The following GTPBP3 variants were observed in gnomAD, a reference collection of about 807,000 sequenced individuals.
GTPBP3 encodes the protein GTP binding protein 3, mitochondrial, also known as 5-taurinomethyluridine-[tRNA] synthase subunit GTPB3, mitochondrial.
A neutral mutation model predicts 42.0 loss-of-function variants in GTPBP3; 35 were observed. The observed-to-expected ratio is 0.83, with a 90% CI of 0.64 to 1.10. The LOEUF (loss-of-function observed/expected upper bound fraction) is 1.10, where lower values mean the gene tolerates loss of function less well. Among genes scored for constraint, GTPBP3 ranks in the 50% least tolerant of loss-of-function variants. The pLI is 0.00. For missense variants in GTPBP3, 691 were observed against 685.2 expected (o/e 1.01, Z -0.09); for synonymous variants, 332 against 314.9 (o/e 1.05, Z -0.58).
At chr19:17,340,391 C>T (rs1389517912) in intron 7 of GTPBP3, among the ~76,000 whole-genome samples, 1 of 152,032 alleles carries the variant, frequency 6.6e-6, no homozygotes, top group Non-Finnish European at 1.5e-5. Context: ...TGTTTCTCAT[C>T]CCTAAGCCCT....
At chr19:17,339,391 T>A in intron 6 of GTPBP3, 43 bp from the exon 7 acceptor site, 1 of 1,603,316 alleles carries the variant, frequency 6.2e-7, no homozygotes, top group Non-Finnish European at 8.5e-7. Flanking sequence ...GGGGAGGAGC[T>A]CCCTTGTCTC....
upstream of GTPBP3, among the ~76,000 whole-genome samples, chr19:17,335,531 A>C (rs1441026484): frequency 6.6e-6 from 1 of 152,172 alleles, no homozygotes; most frequent in African/African-American, 2.4e-5. Flanking sequence ...ACTGCACTGC[A>C]TCCTGGGCGA....
chr19:17,342,362 G>C lies in GTPBP3; in HGVS notation c.*659G>C, dbSNP rs996763026. On this transcript the variant is annotated 3_prime_UTR_variant, in exon 9 of 9. Transcript: ENST00000324894. ...GGCTTACTGCAACCTCCACCTCCCG[G>C]GTTCAAGTGATTCTCCTGCCTCAGC... 6.6e-6 allele frequency: 1 copy of C among 152,244 alleles called. No homozygotes were observed. The highest frequency in any genetic ancestry group is 2.4e-5 in the African/African-American group (1 of 41,452). 9.4% of individuals were successfully genotyped at this position (152,244 alleles called of 1,614,324 possible). A position where few individuals can be genotyped will look rare whatever the true frequency, so the allele number is the denominator to read the frequency against.
chr19:17,337,960 G>C (rs750169700), intron 1 of GTPBP3, 48 bp from the exon 2 acceptor site: 1 of 1,586,634 alleles, frequency 6.3e-7, no homozygotes, highest in Non-Finnish European at 8.5e-7. Context: ...ACTTGACACT[G>C]AGGCTGAGCC....
At chr19:17,336,614 GC>G (rs1260531335), upstream of GTPBP3, 1 of 152,240 alleles carries the variant, frequency 6.6e-6, no homozygotes, top group Non-Finnish European at 1.5e-5. Context: ...ACGCAAGTGC[GC>G]CGCCCGCCCG....
At position 17,342,001 on chromosome 19, in the gene GTPBP3, T is replaced by G; in HGVS notation, c.*298T>G. The G allele has an allele frequency of 2.8e-4, 77 of 277,876 alleles. No homozygotes were observed. The highest frequency in any genetic ancestry group is 1.0e-3 in the Middle Eastern group (1 of 996). 17.2% of individuals were successfully genotyped at this position (277,876 alleles called of 1,614,324 possible). A position where few individuals can be genotyped will look rare whatever the true frequency, so the allele number is the denominator to read the frequency against. On this transcript the variant is annotated 3_prime_UTR_variant, in exon 9 of 9. Coordinates refer to ENST00000324894, the MANE Select transcript of GTPBP3 (RefSeq NM_032620.4). ...CGTAGTTTTTTATTTATTTTGCAAA[T>G]ACCAAAGGAATGTAAAAAAAACTCA... is the stretch of plus-strand genomic sequence containing the variant.
At position 17,339,209 on chromosome 19, in the gene GTPBP3, C is replaced by T; in HGVS notation, c.751C>T (p.His251Tyr). 6.2e-6 allele frequency: 10 copies of T among 1,612,704 alleles called. No individual in the cohort carries two copies. The highest frequency in any genetic ancestry group is 8.5e-6 in the Non-Finnish European group (10 of 1,179,942). ...RRGQRLRSGV[H>Y]VVVTGPPNAG... ...CGGGCAGAGGCTCCGCTCAGGGGTGCACGTAGTGGTCACTGGACCCCCCAA... is the reference window on the plus strand; with the variant it reads ...CGGGCAGAGGCTCCGCTCAGGGGTGTACGTAGTGGTCACTGGACCCCCCAA... The change falls in exon 6 of 9, where the codon CAC (histidine) becomes TAC (tyrosine). Residue 251 changes from histidine (H) to tyrosine (Y), a missense_variant. His to Tyr is a moderately conservative substitution (Grantham distance 83, BLOSUM62 2). Transcript: ENST00000324894.
At chr19:17,339,077 A>G in intron 5 of GTPBP3, 46 bp from the exon 6 acceptor site, 1 of 1,614,102 alleles carries the variant, frequency 6.2e-7, no homozygotes, top group Non-Finnish European at 8.5e-7. Flanking sequence ...CAGCCCTCAA[A>G]GGCTCCCCTC....
chr19:17,339,043 G>T lies in GTPBP3; in HGVS notation c.664+17G>T, dbSNP rs780173916. Reference sequence around the variant, plus strand: ...TGGAGCAAGGTGGGTCTACCTGGTGGTGGGGGAGGAAGACACCTCATATCA... The same window carrying T: ...TGGAGCAAGGTGGGTCTACCTGGTGTTGGGGGAGGAAGACACCTCATATCA... On this transcript the variant is annotated intron_variant, in intron 5 of 8. Transcript: ENST00000324894. 2 of 1,614,076 alleles carry T rather than the reference G, an allele frequency of 1.2e-6. No individual in the cohort carries two copies.
intron 5 of GTPBP3, 33 bp downstream of exon 5, chr19:17,339,059 C>T (rs2074399666): frequency 6.2e-7 from 1 of 1,614,166 alleles, no homozygotes; most frequent in Admixed American, 1.7e-5. Context: ...GAGGAAGACA[C>T]CTCATATCAG....
In GTPBP3 at chr19:17,341,128, C is replaced by G. The variant is rs757813646; in HGVS notation, c.1059C>G (p.Val353=). 1.9e-6 allele frequency: 3 copies of G among 1,613,830 alleles called. No homozygotes were observed. The highest frequency in any genetic ancestry group is 1.7e-5 in the Admixed American group (1 of 60,016). ...SPSSCNFLAT[V]VASVGAQSPS... Reference sequence around the variant, plus strand: ...CCAGTTGCAACTTCCTGGCCACCGTCGTAGCCTCTGTGGGAGCCCAGAGCC... The same window carrying G: ...CCAGTTGCAACTTCCTGGCCACCGTGGTAGCCTCTGTGGGAGCCCAGAGCC... The change falls in exon 8 of 9, where the codon GTC becomes GTG. Residue 353 remains valine, a synonymous_variant. Transcript: ENST00000324894.
upstream of GTPBP3, among the ~76,000 whole-genome samples, chr19:17,336,189 TCG>T: frequency 7.9e-6 from 1 of 126,660 alleles, no homozygotes; most frequent in East Asian, 2.3e-4. Context: ...TGAGTCTAGA[TCG>T]CGCCACTGAA....
chr19:17,337,336 G>T, upstream of GTPBP3: 1 of 404,130 alleles, frequency 2.5e-6, no homozygotes. Context: ...TGTCAGCCTC[G>T]CTGCGCTAGG....
chr19:17,339,666 G>A (rs964192339), intron 7 of GTPBP3, 67 bp downstream of exon 7: 13 of 1,453,086 alleles, frequency 8.9e-6, no homozygotes, highest in African/African-American at 4.3e-5. Flanking sequence ...TCCCTGTTGC[G>A]TTTATTTTTC....
At chr19:17,335,877 C>T (rs12985235), upstream of GTPBP3, among the ~76,000 whole-genome samples, 1 of 82,814 alleles carries the variant, frequency 1.2e-5, no homozygotes, top group African/African-American at 7.0e-5. Context: ...ACAGATGTAA[C>T]AACTAGAGAA....
chr19:17,339,701 C>A, intron 7 of GTPBP3, 102 bp downstream of exon 7: 1 of 1,154,302 alleles, frequency 8.7e-7, no homozygotes, highest in Non-Finnish European at 1.2e-6. Context: ...AGAGAACCTG[C>A]TAAGCCCTAT....
In GTPBP3 at chr19:17,341,873, A is replaced by T; in HGVS notation, c.*170A>T. ...TGAGATCCCTGCAGGGACTCCCTGGAGATTCAGGCCCTGGAATGGGGCTGA... is the reference window on the plus strand; with the variant it reads ...TGAGATCCCTGCAGGGACTCCCTGGTGATTCAGGCCCTGGAATGGGGCTGA... On this transcript the variant is annotated 3_prime_UTR_variant, in exon 9 of 9. Coordinates refer to ENST00000324894, the MANE Select transcript of GTPBP3 (RefSeq NM_032620.4). 1 of 556,360 alleles carries T rather than the reference A, an allele frequency of 1.8e-6. No individual in the cohort carries two copies. The highest frequency in any genetic ancestry group is 3.5e-5 in the South Asian group (1 of 28,274). 34.5% of individuals were successfully genotyped at this position (556,360 alleles called of 1,614,324 possible).
At position 17,339,222 on chromosome 19, in the gene GTPBP3, C is replaced by G. The variant is rs923865761; in HGVS notation, c.764C>G (p.Thr255Ser). 1 of 1,612,116 alleles carries G rather than the reference C, an allele frequency of 6.2e-7. No homozygotes were observed. Among genetic ancestry groups the G allele is most frequent in the Non-Finnish European group, 8.5e-7 (1 of 1,179,840 alleles). The change falls in exon 6 of 9, where the codon ACT becomes AGT. Residue 255 changes from threonine to serine, a missense_variant. Physicochemically the swap from Thr to Ser is moderately conservative, Grantham distance 58. Transcript: ENST00000324894. ...CGCTCAGGGGTGCACGTAGTGGTCA[C>G]TGGACCCCCCAATGCGGGCAAGAGC... ...RLRSGVHVVV[T>S]GPPNAGKSSL...
chr19:17,339,032 T>C lies in GTPBP3; in HGVS notation c.664+6T>C, dbSNP rs1170509246. Reference sequence around the variant, plus strand: ...GGAGGGGGTCCTGGAGCAAGGTGGGTCTACCTGGTGGTGGGGGAGGAAGAC... The same window carrying C: ...GGAGGGGGTCCTGGAGCAAGGTGGGCCTACCTGGTGGTGGGGGAGGAAGAC... On this transcript the variant is annotated splice_donor_region_variant and intron_variant, in intron 5 of 8. Transcript: ENST00000324894. The C allele has an allele frequency of 1.9e-6, 3 of 1,613,944 alleles. No homozygotes were observed. Among genetic ancestry groups the C allele is most frequent in the African/African-American group, 1.3e-5 (1 of 74,902 alleles).
Sources: gnomAD v4.1 joint callset for allele counts (sites outside exome capture counted in the v4.1 genomes callset) on GRCh38, gnomAD v4.1.1 for gene constraint, MANE v1.5 for transcripts, NCBI Gene and HGNC (gene_info 2026-07-23, HGNC 2026-07-21) for gene names.